Variants in LILRB1 observed in about 807,000 individuals in gnomAD.
The protein encoded by LILRB1 is leukocyte immunoglobulin-like receptor subfamily B member 1.
A neutral mutation model predicts 74.6 loss-of-function variants in LILRB1; 59 were observed. That is an observed-to-expected ratio of 0.79 (90% CI 0.64 to 0.98). The LOEUF (loss-of-function observed/expected upper bound fraction) is 0.98, where lower values mean the gene tolerates loss of function less well. LILRB1 is among the 50% of genes least tolerant of loss of function. LILRB1 has a pLI of 0.00. For synonymous variants in LILRB1, 328 were observed against 333.9 expected (o/e 0.98, Z 0.19); for missense variants, 804 against 822.6 (o/e 0.98, Z 0.28).
At chr19:54,635,787 G>T (rs534010204) in intron 13 of LILRB1, 178 bp downstream of exon 13, 4 of 801,758 alleles carry the variant, frequency 5.0e-6, no homozygotes, top group East Asian at 5.1e-5. Flanking sequence ...CTGGGACCTC[G>T]TGGGCCTCCT....
chr19:54,633,855 T>C lies in LILRB1; in HGVS notation c.1313-116T>C, dbSNP rs2064139335. On this transcript the variant is annotated intron_variant, in intron 8 of 14. Coordinates refer to ENST00000324602, the MANE Select transcript of LILRB1 (RefSeq NM_001081637.3). ...CCCCAGGGCTCTGAGGCTGGGCTGG[T>C]GAGGGGTGGGGGGTCAAGGCAGAGA... is the stretch of plus-strand genomic sequence containing the variant. The C allele has an allele frequency of 1.3e-5, 19 of 1,462,592 alleles. 1 individual carries two copies. The South Asian group carries it at 2.4e-4, about 18-fold the overall frequency. 90.6% of individuals were successfully genotyped at this position (1,462,592 alleles called of 1,614,324 possible).
intron 1 of LILRB1, chr19:54,617,382 T>A (rs898116790): frequency 1.5e-4 from 23 of 152,194 alleles, no homozygotes; most frequent in African/African-American, 5.3e-4. Context: ...TTGCACGCTA[T>A]AGAGTTCCTA....
upstream of LILRB1, among the ~76,000 whole-genome samples, chr19:54,628,739 C>T (rs1311393477): frequency 1.3e-5 from 2 of 152,044 alleles, no homozygotes; most frequent in East Asian, 1.9e-4. Context: ...TATGAAGCTT[C>T]ATGATGTCAG....
Position 54,632,777 on chromosome 19 carries a change from G to A in LILRB1, c.958+17G>A, listed in dbSNP as rs749319608. The A allele has an allele frequency of 3.1e-6, 5 of 1,611,542 alleles. No homozygotes were observed. Among genetic ancestry groups the A allele is most frequent in the Non-Finnish European group, 4.2e-6 (5 of 1,179,774 alleles). ...TGATCGCAGGTGAGGAGCCCAGCGG[G>A]TTCAGTCAGGGACCCAGGCTCCGCA... On this transcript the variant is annotated intron_variant, in intron 6 of 14. Transcript: ENST00000324602.
intron 1 of LILRB1, among the ~76,000 whole-genome samples, chr19:54,620,497 AG>A (rs2063427062): frequency 2.0e-5 from 3 of 152,054 alleles, no homozygotes; most frequent in Non-Finnish European, 4.4e-5. Context: ...AGAATTTAAG[AG>A]CTTGTTTGGA....
chr19:54,633,908 G>A (rs1262897979), intron 8 of LILRB1, 63 bp from the exon 9 acceptor site: 2 of 1,545,864 alleles, frequency 1.3e-6, no homozygotes, highest in Non-Finnish European at 1.8e-6. Flanking sequence ...CCTGGGGGAG[G>A]AGCAGCCGGG....
intron 13 of LILRB1, 163 bp from the exon 14 acceptor site, chr19:54,636,331 A>G (rs137913208): frequency 0.043 from 59,547 of 1,384,228 alleles, 1,199 homozygotes; most frequent in Non-Finnish European, 0.047. Flanking sequence ...AGCAGAGGCC[A>G]GAACCACAGC....
chr19:54,630,991 T>A (rs546848609), intron 1 of LILRB1, 35 bp from the exon 2 acceptor site: 1 of 1,563,428 alleles, frequency 6.4e-7, no homozygotes, highest in Non-Finnish European at 8.7e-7. Flanking sequence ...CAGCCTCCGA[T>A]TGGCCACACT....
At chr19:54,635,931 A>G (rs1205668368) in intron 13 of LILRB1, 1 of 595,892 alleles carries the variant, frequency 1.7e-6, no homozygotes, top group Non-Finnish European at 3.2e-6. Flanking sequence ...TCAACCAGCA[A>G]GTGTTCCCAG....
chr19:54,632,751 C>T lies in LILRB1; in HGVS notation c.949C>T (p.Leu317=), dbSNP rs1049917138. ...GGCCCCCAGCGACCCCCTGGACATC[C>T]TGATCGCAGGTGAGGAGCCCAGCGG... ...WSAPSDPLDI[L]IAGQFYDRVS... Residue 317 remains leucine (L), a synonymous_variant, in exon 6 of 15, where the codon CTG becomes TTG. Transcript: ENST00000324602. The T allele has an allele frequency of 6.2e-6, 10 of 1,612,078 alleles. No homozygotes were observed. The highest frequency in any genetic ancestry group is 4.5e-5 in the East Asian group (2 of 44,852).
intron 7 of LILRB1, 101 bp downstream of exon 7, chr19:54,633,419 G>A (rs923821893): frequency 2.7e-6 from 4 of 1,474,900 alleles, no homozygotes; most frequent in South Asian, 1.3e-5. Flanking sequence ...GGTCTGAGAG[G>A]GGCTCAGCCA....
intron 1 of LILRB1, among the ~76,000 whole-genome samples, chr19:54,623,623 T>C (rs2063508314): frequency 6.6e-6 from 1 of 152,222 alleles, no homozygotes; most frequent in African/African-American, 2.4e-5. Flanking sequence ...CTTTCACTGA[T>C]TCTTTGTAAT....
Position 54,631,284 on chromosome 19 carries a change from C to T in LILRB1, c.48C>T (p.Gly16=). The T allele has an allele frequency of 6.2e-7, 1 of 1,613,420 alleles. No individual in the cohort carries two copies. The highest frequency in any genetic ancestry group is 8.5e-7 in the Non-Finnish European group (1 of 1,179,888). Residue 16 remains glycine (G), a synonymous_variant, in exon 3 of 15, where the codon GGC becomes GGT. Transcript: ENST00000324602. The stretch of plus-strand genomic sequence containing the variant: ...ACTCTCTTCCAGGGCTGAGTCTGGG[C>T]CCCCGGACCCACGTGCAGGCAGGTG... The part of the protein sequence containing the change: ...TVLICLGLSL[G]PRTHVQAGHL...
chr19:54,631,825 C>G (rs533205656), intron 4 of LILRB1, 38 bp downstream of exon 4: 1 of 1,609,336 alleles, frequency 6.2e-7, no homozygotes, highest in East Asian at 2.2e-5. Context: ...CCAGACTCTG[C>G]CCTCAGGAAG....
chr19:54,623,856 C>T (rs6509890), intron 1 of LILRB1, among the ~76,000 whole-genome samples: 73,291 of 152,060 alleles, frequency 0.48, 18,588 homozygotes, highest in South Asian at 0.58. Context: ...CATTTTCCCC[C>T]GGCCCCGCAG....
In LILRB1 at chr19:54,631,993, G is replaced by A. The variant is rs1290002379; in HGVS notation, c.417G>A (p.Gly139=). 1.2e-6 allele frequency: 2 copies of A among 1,614,158 alleles called. No homozygotes were observed. Among genetic ancestry groups the A allele is most frequent in the South Asian group, 1.1e-5 (1 of 91,086 alleles). The change falls in exon 5 of 15, where the codon GGG becomes GGA. Residue 139 remains glycine (G), a synonymous_variant. Transcript: ENST00000324602. Reference sequence around the variant, plus strand: ...CCAGCCCCGTGGTGAACTCAGGAGGGAATGTAACCCTCCAGTGTGACTCAC... The same window carrying A: ...CCAGCCCCGTGGTGAACTCAGGAGGAAATGTAACCCTCCAGTGTGACTCAC... The part of the protein sequence containing the change: ...AQPSPVVNSG[G]NVTLQCDSQV...
At chr19:54,632,863 G>C (rs922877162) in intron 6 of LILRB1, 103 bp downstream of exon 6, 9 of 1,557,394 alleles carry the variant, frequency 5.8e-6, no homozygotes, top group Non-Finnish European at 7.8e-6. Flanking sequence ...GGTCCCAAGG[G>C]AGGGAGAGAC....
chr19:54,630,394 A>C (rs1483141765), upstream of LILRB1: 1 of 227,786 alleles, frequency 4.4e-6, no homozygotes, highest in Non-Finnish European at 8.7e-6. Flanking sequence ...AATATTTTAA[A>C]AAGGGGAAGT....
chr19:54,618,488 A>T (rs1384784288), intron 1 of LILRB1, among the ~76,000 whole-genome samples: 1 of 152,228 alleles, frequency 6.6e-6, no homozygotes, highest in Non-Finnish European at 1.5e-5. Context: ...CCTGCAGAAT[A>T]GTATAAGATT....
Sources: gnomAD v4.1 joint callset for allele counts (sites outside exome capture counted in the v4.1 genomes callset) on GRCh38, gnomAD v4.1.1 for gene constraint, MANE v1.5 for transcripts, NCBI Gene and HGNC (gene_info 2026-07-23, HGNC 2026-07-21) for gene names.